CACNA1E: variants seen among roughly 807,000 people sequenced by gnomAD.
CACNA1E encodes the protein calcium voltage-gated channel subunit alpha1 E, also known as voltage-dependent R-type calcium channel subunit alpha-1E.
CACNA1E carries 40 observed loss-of-function variants against 259.2 expected under a neutral mutation model. That is an observed-to-expected ratio of 0.15 (90% CI 0.12 to 0.20). CACNA1E has a LOEUF of 0.20. CACNA1E is among the 10% of genes least tolerant of loss of function. The pLI, the probability that CACNA1E is intolerant of heterozygous loss-of-function variation, is 1.00. For missense variants in CACNA1E, 1,874 were observed against 3,040.1 expected (o/e 0.62, Z 9.02); for synonymous variants, 1,104 against 1,138.5 (o/e 0.97, Z 0.61).
intron 2 of CACNA1E, among the ~76,000 whole-genome samples, chr1:181,452,326 G>A (rs534338404): frequency 3.3e-5 from 5 of 152,364 alleles, no homozygotes; most frequent in South Asian, 2.1e-4. Context: ...AAGTAAGTTA[G>A]AGGACATTGC....
At chr1:181,426,335 A>C (rs961543520) in intron 2 of CACNA1E, among the ~76,000 whole-genome samples, 2 of 151,688 alleles carry the variant, frequency 1.3e-5, no homozygotes, top group Non-Finnish European at 2.9e-5. Context: ...ACTCCTCCTC[A>C]TCTGAACCCT....
intron 2 of CACNA1E, among the ~76,000 whole-genome samples, chr1:181,427,429 C>G (rs541594060): frequency 6.8e-6 from 1 of 146,998 alleles, no homozygotes; most frequent in African/African-American, 2.5e-5. Flanking sequence ...ACCTCAACTT[C>G]TCCCTCATCT....
chr1:181,579,069 T>C lies in CACNA1E; in HGVS notation c.617-3T>C. The C allele has an allele frequency of 6.2e-7, 1 of 1,604,904 alleles. No individual in the cohort carries two copies. Reference sequence around the variant, plus strand: ...ATTGGTCATTCTCTGTCCTTCCTTCTAGGCCTGCAGATTGTGTTGAAGTCC... The same window carrying C: ...ATTGGTCATTCTCTGTCCTTCCTTCCAGGCCTGCAGATTGTGTTGAAGTCC... On this transcript the variant is annotated splice_region_variant and splice_polypyrimidine_tract_variant and intron_variant, in intron 4 of 47. Coordinates refer to ENST00000367573, the MANE Select transcript of CACNA1E (RefSeq NM_001205293.3).
At chr1:181,620,186 G>A (rs1218929839) in intron 6 of CACNA1E, among the ~76,000 whole-genome samples, 2 of 152,136 alleles carry the variant, frequency 1.3e-5, no homozygotes, top group Non-Finnish European at 2.9e-5. Flanking sequence ...AGATAGCCAT[G>A]TAGAGCAAGT....
chr1:181,481,007 T>G (rs1663194250), upstream of CACNA1E, among the ~76,000 whole-genome samples: 1 of 152,172 alleles, frequency 6.6e-6, no homozygotes, highest in East Asian at 1.9e-4. Context: ...TTTCTAACCC[T>G]ATGTAGTTTA....
At chr1:181,501,129 T>G (rs1380283669) in intron 1 of CACNA1E, among the ~76,000 whole-genome samples, 1 of 152,234 alleles carries the variant, frequency 6.6e-6, no homozygotes, top group East Asian at 1.9e-4. Context: ...TTTTCCCTTT[T>G]CTGTAGCGTT....
intron 7 of CACNA1E, among the ~76,000 whole-genome samples, chr1:181,664,585 GA>G (rs1648024907): frequency 6.6e-6 from 1 of 152,106 alleles, no homozygotes; most frequent in African/African-American, 2.4e-5. Context: ...CTTTTGGGGG[GA>G]AAAAGGCTCT....
chr1:181,558,496 C>T (rs950212872), intron 3 of CACNA1E, among the ~76,000 whole-genome samples: 5 of 152,096 alleles, frequency 3.3e-5, no homozygotes, highest in Admixed American at 3.3e-4. Context: ...TTTGGGAAAC[C>T]TTCCTGAAGC....
chr1:181,794,820 C>T lies in CACNA1E; in HGVS notation c.6028-44C>T, dbSNP rs372366948. On this transcript the variant is annotated intron_variant, in intron 45 of 47. Coordinates refer to ENST00000367573, the MANE Select transcript of CACNA1E (RefSeq NM_001205293.3). ...TTCTGTCCTTTTAGATCTTTTCAAT[C>T]GTTAATCCATACCTTGTGTTTCTCT... 1,330 of 1,546,932 alleles carry T rather than the reference C, an allele frequency of 8.6e-4. 1 individual carries two copies. Among genetic ancestry groups the T allele is most frequent in the Non-Finnish European group, 1.1e-3 (1,244 of 1,135,842 alleles).
intron 3 of CACNA1E, among the ~76,000 whole-genome samples, chr1:181,536,202 T>C (rs951924410): frequency 2.6e-5 from 4 of 152,212 alleles, no homozygotes; most frequent in Non-Finnish European, 5.9e-5. Context: ...ATTCTCTGCT[T>C]CTCCACTTCT....
intron 7 of CACNA1E, among the ~76,000 whole-genome samples, chr1:181,670,273 CAG>C (rs1400374878): frequency 6.6e-6 from 1 of 152,168 alleles, no homozygotes; most frequent in East Asian, 1.9e-4. Context: ...GGCTGATAAT[CAG>C]AGTCTTTACA....
At chr1:181,548,051 TTCTA>T (rs1212968982) in intron 3 of CACNA1E, among the ~76,000 whole-genome samples, 2 of 152,176 alleles carry the variant, frequency 1.3e-5, no homozygotes, top group African/African-American at 4.8e-5. Flanking sequence ...TGCCTTAATT[TTCTA>T]TCTGAGGCTT....
chr1:181,527,523 T>G (rs1465336674), intron 3 of CACNA1E, among the ~76,000 whole-genome samples: 1 of 152,236 alleles, frequency 6.6e-6, no homozygotes, highest in African/African-American at 2.4e-5. Context: ...TTTCAAAATA[T>G]AATTGAATAG....
chr1:181,691,931 G>A (rs1263349282), intron 7 of CACNA1E, among the ~76,000 whole-genome samples: 1 of 151,924 alleles, frequency 6.6e-6, no homozygotes, highest in Non-Finnish European at 1.5e-5. Context: ...AAGACTTCAC[G>A]AAAAGTTTCC....
chr1:181,769,332 A>G (rs1008697277), intron 35 of CACNA1E, among the ~76,000 whole-genome samples: 4 of 148,580 alleles, frequency 2.7e-5, no homozygotes, highest in Non-Finnish European at 6.0e-5. Flanking sequence ...AGTTAGTGAC[A>G]AGGACTAAGT....
intron 16 of CACNA1E, among the ~76,000 whole-genome samples, chr1:181,723,213 A>C (rs61502880): frequency 0.026 from 3,888 of 152,250 alleles, 166 homozygotes; most frequent in African/African-American, 0.089. Flanking sequence ...CTGGAATCTC[A>C]TTCTTTTTGT....
intron 1 of CACNA1E, among the ~76,000 whole-genome samples, chr1:181,338,728 T>C (rs1410856396): frequency 6.6e-6 from 1 of 152,186 alleles, no homozygotes; most frequent in Non-Finnish European, 1.5e-5. Context: ...CAAAAAATTA[T>C]TGCCAAGGCC....
chr1:181,715,227 A>G, intron 8 of CACNA1E, 111 bp from the exon 9 acceptor site: 1 of 690,946 alleles, frequency 1.4e-6, no homozygotes, highest in South Asian at 1.7e-5. Flanking sequence ...CAGGCTCTGA[A>G]CTCTGCTCTC....
Position 181,798,397 on chromosome 1 carries a change from C to A in CACNA1E, c.6505C>A (p.Leu2169Ile). Residue 2169 changes from leucine (L) to isoleucine (I), a missense_variant, in exon 48 of 48, where the codon CTC (leucine) becomes ATC (isoleucine). By Grantham distance (5) the Leu-to-Ile change is conservative. Coordinates refer to ENST00000367573, the MANE Select transcript of CACNA1E (RefSeq NM_001205293.3). This position sits in a 1 kb window ranked among gnomAD's most constrained non-coding sequence, Gnocchi z 4.2. ...ACCCGTCCCGCCAAAGCCCCGGCCC[C>A]TCCTTTCCTACAGCTCCCTGATTCG... The part of the protein sequence containing the change: ...LPPVPPKPRP[L>I]LSYSSLIRHA... 1.9e-6 allele frequency: 3 copies of A among 1,613,598 alleles called. No individual in the cohort carries two copies. The highest frequency in any genetic ancestry group is 2.5e-6 in the Non-Finnish European group (3 of 1,179,884).
Sources: allele counts gnomAD v4.1 joint callset (sites outside exome capture counted in the v4.1 genomes callset), GRCh38; gene constraint gnomAD v4.1.1; non-coding constraint Gnocchi (gnomAD v3.1); transcripts MANE v1.5; gene names NCBI Gene and HGNC (gene_info 2026-07-23, HGNC 2026-07-21).